Variants in KCNIP1 observed in about 807,000 individuals in gnomAD.
KCNIP1 encodes A-type potassium channel modulatory protein KCNIP1.
KCNIP1 carries 18 observed loss-of-function variants against 33.0 expected under a neutral mutation model. The ratio of observed to expected loss-of-function variants is 0.55; its 90% CI spans 0.38 to 0.81. KCNIP1 has a LOEUF of 0.81. Ranked by LOEUF, KCNIP1 falls within the 30% of genes least tolerant of loss-of-function variation. The pLI is 0.00. For missense variants in KCNIP1, 238 were observed against 271.6 expected (o/e 0.88, Z 0.87); for synonymous variants, 93 against 98.3 (o/e 0.95, Z 0.32).
At chr5:170,422,839 C>T (rs1423620083) in intron 1 of KCNIP1, 3 of 152,188 alleles carry the variant, frequency 2.0e-5, no homozygotes, top group African/African-American at 7.2e-5. Context: ...TAACTGTGAA[C>T]ACCTGTTATC....
intron 1 of KCNIP1, among the ~76,000 whole-genome samples, chr5:170,368,740 T>C (rs1204224961): frequency 1.3e-5 from 2 of 152,228 alleles, no homozygotes; most frequent in African/African-American, 2.4e-5. Flanking sequence ...GTTCATGCCA[T>C]GTGGCAATAC....
chr5:170,502,122 T>C (rs552678085), upstream of KCNIP1, among the ~76,000 whole-genome samples: 1 of 152,312 alleles, frequency 6.6e-6, no homozygotes, highest in South Asian at 2.1e-4. Context: ...CAGGCAAATT[T>C]CTAACACAAG....
intron 1 of KCNIP1, among the ~76,000 whole-genome samples, chr5:170,622,102 G>A (rs1295144280): frequency 6.6e-6 from 1 of 152,192 alleles, no homozygotes; most frequent in Non-Finnish European, 1.5e-5. Flanking sequence ...TGTCAAGGAT[G>A]AAGGTGCTTT....
intron 1 of KCNIP1, among the ~76,000 whole-genome samples, chr5:170,656,996 CTT>C (rs397999901): frequency 8.2e-5 from 9 of 109,720 alleles, no homozygotes; most frequent in African/African-American, 1.1e-4. Context: ...TTCTTTCTTT[CTT>C]TTTTTTTTTT....
At chr5:170,706,948 A>G (rs552011383) in intron 1 of KCNIP1, among the ~76,000 whole-genome samples, 12 of 152,236 alleles carry the variant, frequency 7.9e-5, no homozygotes, top group Admixed American at 7.2e-4. Context: ...TCAATTGTTC[A>G]TTTACTGGCT....
chr5:170,683,965 C>T (rs974596664), intron 1 of KCNIP1, among the ~76,000 whole-genome samples: 1 of 151,042 alleles, frequency 6.6e-6, no homozygotes, highest in Non-Finnish European at 1.5e-5. Flanking sequence ...CCATGTTGCC[C>T]AGGGTGGTCT....
intron 1 of KCNIP1, among the ~76,000 whole-genome samples, chr5:170,640,772 C>T (rs772840356): frequency 6.6e-5 from 10 of 152,168 alleles, no homozygotes; most frequent in Admixed American, 1.3e-4. Flanking sequence ...GTCCCCAACA[C>T]GCCTTCTTGT....
At chr5:170,526,800 G>A (rs904105319) in intron 1 of KCNIP1, among the ~76,000 whole-genome samples, 11 of 151,272 alleles carry the variant, frequency 7.3e-5, no homozygotes, top group South Asian at 2.1e-4. Context: ...TCAGCTCAGG[G>A]CAACCTCCAC....
intron 1 of KCNIP1, among the ~76,000 whole-genome samples, chr5:170,425,937 T>C (rs934855069): frequency 5.3e-5 from 8 of 152,214 alleles, no homozygotes; most frequent in African/African-American, 1.9e-4. Flanking sequence ...GGTTCCTGAA[T>C]TGCAGCACTG....
At chr5:170,642,269 A>C (rs1235070644) in intron 1 of KCNIP1, 1 of 152,388 alleles carries the variant, frequency 6.6e-6, no homozygotes. Context: ...CTGCCTCCTC[A>C]GTGCTGCATC....
At chr5:170,516,572 C>T (rs917987491) in intron 1 of KCNIP1, among the ~76,000 whole-genome samples, 1 of 152,196 alleles carries the variant, frequency 6.6e-6, no homozygotes, top group Non-Finnish European at 1.5e-5. Context: ...CTCCCCCACC[C>T]GCCAACAGCA....
intron 1 of KCNIP1, among the ~76,000 whole-genome samples, chr5:170,579,614 T>A (rs992959107): frequency 6.6e-6 from 1 of 152,210 alleles, no homozygotes; most frequent in African/African-American, 2.4e-5. Flanking sequence ...CATCTCCCCA[T>A]GTAACAAACC....
At chr5:170,733,961 A>G in intron 7 of KCNIP1, 63 bp downstream of exon 7, 1 of 1,401,450 alleles carries the variant, frequency 7.1e-7, no homozygotes, top group Middle Eastern at 1.8e-4. Context: ...GGGCCTGGGG[A>G]CCTGCAGAAG....
At chr5:170,563,058 C>T (rs191891536) in intron 1 of KCNIP1, among the ~76,000 whole-genome samples, 7 of 152,334 alleles carry the variant, frequency 4.6e-5, no homozygotes, top group African/African-American at 1.7e-4. Context: ...TCGTACGCTG[C>T]CCTTTCAGTC....
At chr5:170,695,831 C>T (rs1474764347) in intron 1 of KCNIP1, among the ~76,000 whole-genome samples, 2 of 152,030 alleles carry the variant, frequency 1.3e-5, no homozygotes, top group Non-Finnish European at 2.9e-5. Context: ...CCATCCTGGC[C>T]AACATGATGA....
At chr5:170,706,083 A>C (rs1763248857) in intron 1 of KCNIP1, among the ~76,000 whole-genome samples, 1 of 152,216 alleles carries the variant, frequency 6.6e-6, no homozygotes, top group Non-Finnish European at 1.5e-5. Context: ...CAAGACAGGC[A>C]GTTAATACAA....
At chr5:170,456,558 T>G (rs1756380174) in intron 1 of KCNIP1, among the ~76,000 whole-genome samples, 1 of 151,524 alleles carries the variant, frequency 6.6e-6, no homozygotes, top group Non-Finnish European at 1.5e-5. Context: ...AGCAAACTAA[T>G]CCTAAAGCAA....
intron 1 of KCNIP1, among the ~76,000 whole-genome samples, chr5:170,524,698 G>A (rs1254269208): frequency 6.6e-6 from 1 of 152,114 alleles, no homozygotes; most frequent in Admixed American, 6.5e-5. Flanking sequence ...GGGCGGGGCG[G>A]GAATTCAGTT....
intron 1 of KCNIP1, among the ~76,000 whole-genome samples, chr5:170,430,730 G>A (rs1755721400): frequency 6.6e-6 from 1 of 152,134 alleles, no homozygotes; most frequent in Admixed American, 6.5e-5. Flanking sequence ...AGTTGTCATG[G>A]GCATGGGGAC....
Sources: gnomAD v4.1 joint callset for allele counts (sites outside exome capture counted in the v4.1 genomes callset) on GRCh38, gnomAD v4.1.1 for gene constraint, MANE v1.5 for transcripts, NCBI Gene and HGNC (gene_info 2026-07-23, HGNC 2026-07-21) for gene names.